Variants in KDM4C observed in about 807,000 individuals in gnomAD.
KDM4C encodes lysine demethylase 4C.
Under a neutral mutation model 129.3 loss-of-function variants are expected in KDM4C, and 81 were observed. The ratio of observed to expected loss-of-function variants is 0.63; its 90% CI spans 0.52 to 0.75. The LOEUF (loss-of-function observed/expected upper bound fraction) is 0.75, where lower values mean the gene tolerates loss of function less well. Ranked by LOEUF, KDM4C falls within the 30% of genes least tolerant of loss-of-function variation. The pLI, the probability that KDM4C is intolerant of heterozygous loss-of-function variation, is 0.00. For missense variants in KDM4C, 1,457 were observed against 1,304.0 expected (o/e 1.12, Z -1.81); for synonymous variants, 573 against 456.1 (o/e 1.26, Z -3.26).
At chr9:6,752,073 C>A (rs537561615) in intron 1 of KDM4C, among the ~76,000 whole-genome samples, 1 of 150,524 alleles carries the variant, frequency 6.6e-6, no homozygotes, top group African/African-American at 2.5e-5. Flanking sequence ...GTGGCTCACG[C>A]CTGTAATCCC....
intron 17 of KDM4C, among the ~76,000 whole-genome samples, chr9:7,067,657 G>T (rs571006020): frequency 6.6e-6 from 1 of 152,140 alleles, no homozygotes; most frequent in African/African-American, 2.4e-5. Flanking sequence ...TCAAAGGCCT[G>T]TTGTTTTAGT....
intron 15 of KDM4C, among the ~76,000 whole-genome samples, chr9:7,029,447 A>G (rs1036819970): frequency 1.5e-4 from 23 of 152,120 alleles, no homozygotes; most frequent in African/African-American, 4.8e-4. Context: ...GTTTACCTCT[A>G]TTCCAATAAA....
intron 8 of KDM4C, among the ~76,000 whole-genome samples, chr9:6,932,194 T>G (rs1223919235): frequency 6.6e-6 from 1 of 152,114 alleles, no homozygotes; most frequent in African/African-American, 2.4e-5. Flanking sequence ...TTCCAACAGG[T>G]GTGTAGCTCC....
chr9:6,983,341 G>C (rs1477222682), intron 9 of KDM4C, among the ~76,000 whole-genome samples: 1 of 152,084 alleles, frequency 6.6e-6, no homozygotes, highest in Non-Finnish European at 1.5e-5. Flanking sequence ...TATGTAAAAA[G>C]CATATATGCC....
At chr9:6,846,056 G>C (rs1394705301) in intron 4 of KDM4C, among the ~76,000 whole-genome samples, 1 of 152,196 alleles carries the variant, frequency 6.6e-6, no homozygotes, top group African/African-American at 2.4e-5. Flanking sequence ...AGCCTTGCTG[G>C]TATTTGTGTA....
intron 8 of KDM4C, among the ~76,000 whole-genome samples, chr9:6,903,770 A>G (rs1452020054): frequency 1.3e-5 from 2 of 152,222 alleles, no homozygotes; most frequent in African/African-American, 2.4e-5. Flanking sequence ...ATTTGTAAAA[A>G]TAAAAATATT....
intron 3 of KDM4C, among the ~76,000 whole-genome samples, chr9:6,806,915 TC>T (rs1830092582): frequency 7.0e-6 from 1 of 143,602 alleles, no homozygotes; most frequent in Non-Finnish European, 1.5e-5. Flanking sequence ...TCCCTCTCCC[TC>T]TCCGTCTCCC....
chr9:6,791,213 G>C (rs1230477600), intron 1 of KDM4C, among the ~76,000 whole-genome samples: 1 of 152,198 alleles, frequency 6.6e-6, no homozygotes, highest in Non-Finnish European at 1.5e-5. Context: ...CCAGGTTCAA[G>C]TGATTTTCCT....
chr9:6,849,499 C>A lies in KDM4C; in HGVS notation c.436-8C>A. The A allele has an allele frequency of 6.6e-7, 1 of 1,511,174 alleles. No homozygotes were observed. The highest frequency in any genetic ancestry group is 1.4e-5 in the South Asian group (1 of 72,020). The allele number at this position is 1,511,174 out of a possible 1,614,324, so 93.6% of individuals were successfully genotyped here. A position where few individuals can be genotyped will look rare whatever the true frequency, so the allele number is the denominator to read the frequency against. On this transcript the variant is annotated splice_polypyrimidine_tract_variant and splice_region_variant and intron_variant, in intron 4 of 21. Transcript: ENST00000381309. ...GATTTCTCTCTCTTTTTTTCTCTCT[C>A]ATTCCAGGGTGTGGATGAATGGAAC...
intron 17 of KDM4C, among the ~76,000 whole-genome samples, chr9:7,087,274 C>G (rs990091146): frequency 6.8e-6 from 1 of 147,332 alleles, no homozygotes; most frequent in Non-Finnish European, 1.5e-5. Flanking sequence ...AATATGAAGG[C>G]TTTTTTTTTT....
chr9:7,091,496 G>T (rs903395006), intron 17 of KDM4C, among the ~76,000 whole-genome samples: 1 of 152,034 alleles, frequency 6.6e-6, no homozygotes, highest in African/African-American at 2.4e-5. Context: ...TATACTTTAA[G>T]AAATATATTT....
intron 9 of KDM4C, among the ~76,000 whole-genome samples, chr9:6,981,506 C>T (rs1236460285): frequency 6.6e-6 from 1 of 152,140 alleles, no homozygotes; most frequent in African/African-American, 2.4e-5. Flanking sequence ...TTATCTTCTT[C>T]ATTTGTCCAA....
chr9:7,121,412 C>T (rs113539306), intron 18 of KDM4C, among the ~76,000 whole-genome samples: 15 of 152,240 alleles, frequency 9.9e-5, no homozygotes, highest in East Asian at 5.8e-4. Context: ...CCCTCTTGAA[C>T]GAAGGACTAT....
intron 17 of KDM4C, among the ~76,000 whole-genome samples, chr9:7,096,342 C>T (rs1185746210): frequency 6.6e-6 from 1 of 152,112 alleles, no homozygotes; most frequent in African/African-American, 2.4e-5. Flanking sequence ...TTCTGCACAG[C>T]ACAGGTAGTT....
At chr9:6,805,888 T>A in intron 3 of KDM4C, 114 bp downstream of exon 3, 1 of 908,360 alleles carries the variant, frequency 1.1e-6, no homozygotes, top group Non-Finnish European at 1.6e-6. Flanking sequence ...CCCATGCAAT[T>A]TTTCACCCTT....
At chr9:6,856,979 G>T (rs1427592538) in intron 5 of KDM4C, among the ~76,000 whole-genome samples, 1 of 152,006 alleles carries the variant, frequency 6.6e-6, no homozygotes, top group African/African-American at 2.4e-5. Context: ...GGATGGTCTC[G>T]ATCTCCTGAC....
intron 17 of KDM4C, among the ~76,000 whole-genome samples, chr9:7,065,973 A>C (rs962530193): frequency 6.8e-6 from 1 of 146,864 alleles, no homozygotes; most frequent in Non-Finnish European, 1.5e-5. Context: ...TGCTTTGCGG[A>C]CAATGGAGGG....
In KDM4C at chr9:6,976,194, C is replaced by A. The variant is rs551880392; in HGVS notation, c.922-4731C>A. On this transcript the variant is annotated intron_variant, in intron 8 of 21. Transcript: ENST00000381309. ...TGTCAGGCCTAATTAATGATTTTGG[C>A]CCTGTTAGTTACCACCACCAGACAT... Among the ~76,000 whole-genome samples, 8 of 152,222 alleles carry A rather than the reference C, an allele frequency of 5.3e-5. No homozygotes were observed. The South Asian group carries it at 1.7e-3, about 32-fold the overall frequency.
chr9:7,143,118 G>A (rs1841915317), intron 19 of KDM4C, among the ~76,000 whole-genome samples: 2 of 152,218 alleles, frequency 1.3e-5, no homozygotes, highest in African/African-American at 4.8e-5. Flanking sequence ...AGCTGTTCCA[G>A]TACCAGCATC....
Sources: allele counts gnomAD v4.1 joint callset (sites outside exome capture counted in the v4.1 genomes callset), GRCh38; gene constraint gnomAD v4.1.1; transcripts MANE v1.5; gene names NCBI Gene and HGNC (gene_info 2026-07-23, HGNC 2026-07-21).